The following CPED1 variants were observed in gnomAD, a reference collection of about 807,000 sequenced individuals.
CPED1 encodes cadherin-like and PC-esterase domain-containing protein 1.
Under a neutral mutation model 128.2 loss-of-function variants are expected in CPED1, and 114 were observed. The ratio of observed to expected loss-of-function variants is 0.89; its 90% CI spans 0.76 to 1.04. CPED1 has a LOEUF of 1.04. Ranked by LOEUF, CPED1 falls within the 50% of genes least tolerant of loss-of-function variation. CPED1 has a pLI of 0.00. For missense variants in CPED1, 1,211 were observed against 1,207.1 expected, an observed-to-expected ratio of 1.00 and a Z score of -0.05; for synonymous variants, 462 against 426.7, an observed-to-expected ratio of 1.08 and a Z score of -1.02.
intron 16 of CPED1, among the ~76,000 whole-genome samples, chr7:121,213,046 C>T (rs1184354274): frequency 1.3e-5 from 2 of 151,948 alleles, no homozygotes; most frequent in East Asian, 3.9e-4. Flanking sequence ...CAACTATAAG[C>T]ATTTTAAAGT....
intron 16 of CPED1, among the ~76,000 whole-genome samples, chr7:121,171,005 G>A (rs982340733): frequency 2.0e-5 from 3 of 151,816 alleles, no homozygotes; most frequent in Admixed American, 1.3e-4. Context: ...AGCCAAGATC[G>A]AGCCACTGCA....
rs569552560 is a variant in CPED1 at position 121,148,012 on chromosome 7, G to A, written c.2055+5871G>A. 3.9e-5 allele frequency among the ~76,000 whole-genome samples: 6 copies of A among 152,206 alleles called. No homozygotes were observed. In the South Asian group the frequency reaches 1.2e-3, roughly 32 times the overall value. ...AGGGCTATTATAAAATAGCTCAAGTGATAGTTATCTAATAGCAAATATCCA... is the reference window on the plus strand; with the variant it reads ...AGGGCTATTATAAAATAGCTCAAGTAATAGTTATCTAATAGCAAATATCCA... On this transcript the variant is annotated intron_variant, in intron 16 of 22. Transcript: ENST00000310396.
intron 16 of CPED1, among the ~76,000 whole-genome samples, chr7:121,183,949 G>A (rs532193617): frequency 2.0e-4 from 30 of 152,174 alleles, no homozygotes; most frequent in African/African-American, 7.0e-4. Context: ...AGACCAGCCT[G>A]GCCAACATAG....
At chr7:121,179,581 A>G (rs1796856921) in intron 16 of CPED1, among the ~76,000 whole-genome samples, 1 of 152,094 alleles carries the variant, frequency 6.6e-6, no homozygotes, top group Non-Finnish European at 1.5e-5. Context: ...TTTAATTATG[A>G]AAATCACTTT....
intron 5 of CPED1, among the ~76,000 whole-genome samples, chr7:121,070,949 A>T (rs1271018675): frequency 6.6e-6 from 1 of 152,150 alleles, no homozygotes; most frequent in Non-Finnish European, 1.5e-5. Flanking sequence ...TGATGTTCTG[A>T]CTTGATCCAG....
chr7:121,124,423 G>A lies in CPED1; in HGVS notation c.1011G>A (p.Ala337=), dbSNP rs1524498. Residue 337 remains alanine, a synonymous_variant, in exon 8 of 23, where the codon GCG becomes GCA. Coordinates refer to ENST00000310396, the MANE Select transcript of CPED1 (RefSeq NM_024913.5). The part of the protein sequence containing the change: ...MKEAIGKLLL[A]AEVFSETSTL... ...AAGCAATTGGCAAACTACTGCTAGC[G>A]GCTGAAGTATTCAGTGAAACATCTA... is the stretch of plus-strand genomic sequence containing the variant. 7 of 1,604,516 alleles carry A rather than the reference G, an allele frequency of 4.4e-6. No individual in the cohort carries two copies. Among genetic ancestry groups the A allele is most frequent in the South Asian group, 3.3e-5 (3 of 89,978 alleles).
chr7:121,109,352 C>G (rs1795052462), intron 7 of CPED1, among the ~76,000 whole-genome samples: 1 of 152,190 alleles, frequency 6.6e-6, no homozygotes, highest in African/African-American at 2.4e-5. Flanking sequence ...ACACATCACT[C>G]TGTCTTCTTT....
At chr7:121,095,761 G>T (rs1794683777) in intron 5 of CPED1, among the ~76,000 whole-genome samples, 1 of 152,018 alleles carries the variant, frequency 6.6e-6, no homozygotes, top group Non-Finnish European at 1.5e-5. Context: ...CTTTTGACAT[G>T]TTTTTTGACA....
intron 7 of CPED1, among the ~76,000 whole-genome samples, chr7:121,109,780 TCA>T (rs938221806): frequency 6.6e-6 from 1 of 152,142 alleles, no homozygotes; most frequent in African/African-American, 2.4e-5. Context: ...TTTGTTCAAA[TCA>T]CACACAGAGA....
At chr7:121,229,875 C>G (rs1348737656) in intron 16 of CPED1, among the ~76,000 whole-genome samples, 1 of 151,844 alleles carries the variant, frequency 6.6e-6, no homozygotes, top group Non-Finnish European at 1.5e-5. Context: ...TTTCAGTTAA[C>G]CTTATGGAAA....
At chr7:121,199,074 A>G (rs1303723237) in intron 16 of CPED1, among the ~76,000 whole-genome samples, 2 of 152,144 alleles carry the variant, frequency 1.3e-5, no homozygotes, top group Admixed American at 1.3e-4. Context: ...TGGCAGCGTA[A>G]TGATTGCTTT....
chr7:121,293,840 C>T (rs1792764727), intron 22 of CPED1, among the ~76,000 whole-genome samples: 1 of 152,042 alleles, frequency 6.6e-6, no homozygotes, highest in Non-Finnish European at 1.5e-5. Flanking sequence ...GCTGCACCCA[C>T]TGTCTAACCA....
At chr7:121,024,959 T>A (rs567722247) in intron 3 of CPED1, among the ~76,000 whole-genome samples, 1 of 152,288 alleles carries the variant, frequency 6.6e-6, no homozygotes, top group East Asian at 1.9e-4. Context: ...TTTAGCTGTT[T>A]GAAGTATTTT....
rs759898505 is a variant in CPED1 at position 121,127,631 on chromosome 7, G to A, written c.1302+374G>A. Reference sequence around the variant, plus strand: ...ACTCACTGCAACCTCCGCCTCCTGGGTTCAAGAGATTCTCTTGCCTCAGCC... The same window carrying A: ...ACTCACTGCAACCTCCGCCTCCTGGATTCAAGAGATTCTCTTGCCTCAGCC... On this transcript the variant is annotated intron_variant, in intron 10 of 22. Transcript: ENST00000310396. 1.1e-3 allele frequency among the ~76,000 whole-genome samples: 172 copies of A among 150,868 alleles called. 2 individuals carry two copies. The highest frequency in any genetic ancestry group is 1.1e-3 in the Non-Finnish European group (74 of 67,828).
chr7:121,215,038 C>A (rs1563067978), intron 16 of CPED1, among the ~76,000 whole-genome samples: 1 of 152,008 alleles, frequency 6.6e-6, no homozygotes, highest in Non-Finnish European at 1.5e-5. Context: ...TAGTGGATGG[C>A]AAGCCTTTAC....
intron 16 of CPED1, among the ~76,000 whole-genome samples, chr7:121,157,295 TA>T (rs1796309424): frequency 6.6e-6 from 1 of 152,162 alleles, no homozygotes; most frequent in Non-Finnish European, 1.5e-5. Context: ...GGTAAGCCTT[TA>T]AAAGCCCACT....
intron 22 of CPED1, among the ~76,000 whole-genome samples, chr7:121,295,062 G>A (rs1792795117): frequency 6.6e-6 from 1 of 151,846 alleles, no homozygotes. Flanking sequence ...GTTTGAATCA[G>A]TGGCCTGGCA....
chr7:121,031,675 C>T (rs1302905286), intron 3 of CPED1, among the ~76,000 whole-genome samples: 3 of 152,154 alleles, frequency 2.0e-5, no homozygotes, highest in African/African-American at 7.2e-5. Flanking sequence ...CAGTATTAGA[C>T]ATTATCACAT....
chr7:121,271,224 A>G (rs1792221476), intron 21 of CPED1, 60 bp from the exon 22 acceptor site: 9 of 1,388,942 alleles, frequency 6.5e-6, no homozygotes, highest in Non-Finnish European at 1.0e-6. Context: ...CACCTAACTT[A>G]TTGAATCATA....
Sources: allele counts gnomAD v4.1 joint callset (sites outside exome capture counted in the v4.1 genomes callset), GRCh38; gene constraint gnomAD v4.1.1; transcripts MANE v1.5; gene names NCBI Gene and HGNC (gene_info 2026-07-23, HGNC 2026-07-21).